The following TRNT1 variants were observed in gnomAD, a reference collection of about 807,000 sequenced individuals.
TRNT1 encodes CCA tRNA nucleotidyltransferase 1, mitochondrial.
Under a neutral mutation model 45.6 loss-of-function variants are expected in TRNT1, and 44 were observed. The observed-to-expected ratio is 0.97, with a 90% CI of 0.76 to 1.24. The LOEUF is 1.24. TRNT1 is among the 50% of genes most tolerant of loss of function. TRNT1 has a pLI of 0.00. For missense variants in TRNT1, 633 were observed against 504.4 expected, an observed-to-expected ratio of 1.25 and a Z score of -2.44; for synonymous variants, 201 against 171.4, an observed-to-expected ratio of 1.17 and a Z score of -1.35.
chr3:3,147,477 A>T lies in TRNT1; in HGVS notation c.830A>T (p.Glu277Val), dbSNP rs781275282. The change falls in exon 7 of 8, where the codon GAA (glutamate) becomes GTA (valine). Residue 277 changes from glutamate to valine, a missense_variant. Coordinates refer to ENST00000251607, the MANE Select transcript of TRNT1 (RefSeq NM_182916.3). ...IGLPANASLE[E>V]FDKVSKNVDG... ...TTACCTGCTAATGCAAGTTTAGAAG[A>T]ATTTGACAAAGTCAGTAAAAATGTT... 1 of 1,613,702 alleles carries T rather than the reference A, an allele frequency of 6.2e-7. No homozygotes were observed. Among genetic ancestry groups the T allele is most frequent in the South Asian group, 1.1e-5 (1 of 91,056 alleles).
At chr3:3,153,368 GTCT>G, downstream of TRNT1, 1 of 988,456 alleles carries the variant, frequency 1.0e-6, no homozygotes, top group East Asian at 2.4e-5. Flanking sequence ...CAGAAATACA[GTCT>G]TCATTATAAT....
In TRNT1 at chr3:3,147,661, T is replaced by G. The variant is rs770663582; in HGVS notation, c.1014T>G (p.Asp338Glu). 6.2e-7 allele frequency: 1 copy of G among 1,613,696 alleles called. No homozygotes were observed. Among genetic ancestry groups the G allele is most frequent in the South Asian group, 1.1e-5 (1 of 91,074 alleles). The change falls in exon 7 of 8, where the codon GAT (aspartate) becomes GAG (glutamate). Residue 338 changes from aspartate (D) to glutamate (E), a missense_variant. Coordinates refer to ENST00000251607, the MANE Select transcript of TRNT1 (RefSeq NM_182916.3). ...KNRKDLIKAT[D>E]SSDPLKPYQD... ...GGAAAGATTTAATTAAAGCAACAGA[T>G]AGTTCAGACCCATTGAAACCCTATC... is the stretch of plus-strand genomic sequence containing the variant.
intron 4 of TRNT1, 90 bp downstream of exon 4, chr3:3,140,738 G>T: frequency 6.8e-7 from 1 of 1,467,882 alleles, no homozygotes; most frequent in South Asian, 1.3e-5. Context: ...TCTTCAACTT[G>T]AGAAGTTGCA....
chr3:3,129,993 G>C, intron 2 of TRNT1: 1 of 1,548,246 alleles, frequency 6.5e-7, no homozygotes, highest in East Asian at 2.5e-5. Flanking sequence ...TGCAAAACCT[G>C]TCTGGAAGGA....
intron 4 of TRNT1, among the ~76,000 whole-genome samples, chr3:3,142,633 C>T (rs1226371503): frequency 1.3e-5 from 2 of 152,198 alleles, no homozygotes; most frequent in Non-Finnish European, 1.5e-5. Flanking sequence ...CTTATTGGAT[C>T]AAGCATTCAT....
At chr3:3,151,296 T>C (rs934146606), downstream of TRNT1, among the ~76,000 whole-genome samples, 26 of 152,134 alleles carry the variant, frequency 1.7e-4, no homozygotes, top group African/African-American at 6.3e-4. Flanking sequence ...AAATAAAGAG[T>C]AATCTTAAGA....
intron 5 of TRNT1, 102 bp downstream of exon 5, chr3:3,144,812 C>A: frequency 8.3e-7 from 1 of 1,208,936 alleles, no homozygotes; most frequent in Non-Finnish European, 1.1e-6. Context: ...AAAATGGTGA[C>A]ATCCCAAATG....
downstream of TRNT1, chr3:3,152,359 T>A: frequency 1.0e-5 from 13 of 1,299,712 alleles, no homozygotes. Flanking sequence ...CTACTTTTTA[T>A]TATAAAGATT....
At chr3:3,140,420 C>G in intron 3 of TRNT1, 90 bp from the exon 4 acceptor site, 4 of 1,369,816 alleles carry the variant, frequency 2.9e-6, no homozygotes, top group Non-Finnish European at 4.0e-6. Flanking sequence ...AGTACCATCC[C>G]TTTATAAAGA....
rs539709416 is a variant in TRNT1 at position 3,129,961 on chromosome 3, G to A, written c.148+773G>A. 5 of 1,550,532 alleles carry A rather than the reference G, an allele frequency of 3.2e-6. No individual in the cohort carries two copies. The South Asian group carries it at 4.8e-5, about 15-fold the overall frequency. On this transcript the variant is annotated intron_variant, in intron 2 of 7. Transcript: ENST00000251607. The stretch of plus-strand genomic sequence containing the variant: ...GAGAACTGAAGGAAGAAGGAAATAG[G>A]AGTTGCCTCCATTGTGCACGTTGCA...
intron 2 of TRNT1, among the ~76,000 whole-genome samples, chr3:3,133,083 G>A (rs529469412): frequency 3.3e-5 from 5 of 152,256 alleles, no homozygotes; most frequent in African/African-American, 1.2e-4. Flanking sequence ...TTTAAATCCT[G>A]TACCAATTTT....
Position 3,147,692 on chromosome 3 carries a change from T to G in TRNT1, c.1045T>G (p.Phe349Val), listed in dbSNP as rs760473412. Residue 349 changes from phenylalanine to valine, a missense_variant, in exon 7 of 8, where the codon TTC becomes GTC. Transcript: ENST00000251607. ...SSDPLKPYQD[F>V]IIDSREPDAT... ...AGACCCATTGAAACCCTATCAAGAC[T>G]TCATTATAGATGTAAGTATATACTA... is the stretch of plus-strand genomic sequence containing the variant. 4.2e-5 allele frequency: 67 copies of G among 1,611,144 alleles called. No individual in the cohort carries two copies. The highest frequency in any genetic ancestry group is 7.6e-6 in the Non-Finnish European group (9 of 1,178,618).
chr3:3,150,798 A>G (rs963283226), downstream of TRNT1: 54 of 1,490,418 alleles, frequency 3.6e-5, no homozygotes, highest in Middle Eastern at 1.8e-4. Context: ...ATCAGAGGCA[A>G]TAATTTCCAA....
intron 4 of TRNT1, 85 bp downstream of exon 4, chr3:3,140,733 A>T: frequency 1.3e-6 from 2 of 1,495,552 alleles, no homozygotes; most frequent in Non-Finnish European, 1.8e-6. Context: ...AATGTTCTTC[A>T]ACTTGAGAAG....
intron 2 of TRNT1, among the ~76,000 whole-genome samples, chr3:3,134,183 CTT>C (rs763767087): frequency 1.3e-5 from 2 of 152,082 alleles, no homozygotes; most frequent in Non-Finnish European, 2.9e-5. Flanking sequence ...CTCGCAAAGT[CTT>C]TTGAAATGTT....
chr3:3,147,536 G>A lies in TRNT1; in HGVS notation c.889G>A (p.Ala297Thr). ...GFSPKPVTLL[A>T]SLFKVQDDVT... ...TTCACCAAAGCCAGTGACTCTTTTGGCCTCATTATTCAAAGTACAAGATGA... is the reference window on the plus strand; with the variant it reads ...TTCACCAAAGCCAGTGACTCTTTTGACCTCATTATTCAAAGTACAAGATGA... The change falls in exon 7 of 8, where the codon GCC (alanine) becomes ACC (threonine). Residue 297 changes from alanine to threonine, a missense_variant. Physicochemically the swap from Ala to Thr is moderately conservative, Grantham distance 58 (BLOSUM62 0). Transcript: ENST00000251607. 1 of 1,613,904 alleles carries A rather than the reference G, an allele frequency of 6.2e-7. No individual in the cohort carries two copies. Among genetic ancestry groups the A allele is most frequent in the East Asian group, 2.2e-5 (1 of 44,844 alleles).
downstream of TRNT1, chr3:3,150,896 A>ATTTCAT: frequency 6.2e-7 from 1 of 1,613,876 alleles, no homozygotes; most frequent in Non-Finnish European, 8.5e-7. Flanking sequence ...GTCTGGACTT[A>ATTTCAT]TTTCATCTTC....
At chr3:3,141,354 C>G (rs758304563) in intron 4 of TRNT1, among the ~76,000 whole-genome samples, 8 of 152,192 alleles carry the variant, frequency 5.3e-5, no homozygotes, top group Non-Finnish European at 1.0e-4. Context: ...CACACACACA[C>G]CCAGGATCAT....
At chr3:3,144,029 C>T (rs977364762) in intron 4 of TRNT1, among the ~76,000 whole-genome samples, 8 of 151,934 alleles carry the variant, frequency 5.3e-5, no homozygotes, top group Admixed American at 5.2e-4. Context: ...TATATTTTTC[C>T]AAAAATGTCA....
Sources: allele counts gnomAD v4.1 joint callset (sites outside exome capture counted in the v4.1 genomes callset), GRCh38; gene constraint gnomAD v4.1.1; transcripts MANE v1.5; gene names NCBI Gene and HGNC (gene_info 2026-07-23, HGNC 2026-07-21).